The following PPP2R2B variants were observed in gnomAD, a reference collection of about 807,000 sequenced individuals.
PPP2R2B encodes serine/threonine-protein phosphatase 2A 55 kDa regulatory subunit B beta isoform.
PPP2R2B carries 5 observed loss-of-function variants against 46.0 expected under a neutral mutation model. The observed-to-expected ratio is 0.11, with a 90% CI of 0.06 to 0.23. The LOEUF is 0.23. Ranked by LOEUF, PPP2R2B falls within the 10% of genes least tolerant of loss-of-function variation. PPP2R2B has a pLI of 1.00. For synonymous variants in PPP2R2B, 215 were observed against 206.7 expected (o/e 1.04, Z -0.34); for missense variants, 367 against 575.0 (o/e 0.64, Z 3.70).
At chr5:146,862,763 AT>A (rs3062348) in intron 2 of PPP2R2B, among the ~76,000 whole-genome samples, 3,065 of 142,572 alleles carry the variant, frequency 0.021, 104 homozygotes, top group African/African-American at 0.069. Context: ...AGAAAAGTAA[AT>A]TTTTTTTTTT....
intron 1 of PPP2R2B, among the ~76,000 whole-genome samples, chr5:146,965,615 T>C (rs1379706049): frequency 6.6e-6 from 1 of 152,218 alleles, no homozygotes; most frequent in Non-Finnish European, 1.5e-5. Context: ...TCAGCAGAAG[T>C]GTCGCTGGCC....
chr5:146,820,379 A>G (rs780782242), intron 2 of PPP2R2B, among the ~76,000 whole-genome samples: 2 of 152,198 alleles, frequency 1.3e-5, no homozygotes, highest in African/African-American at 4.8e-5. Context: ...AACAAAAACC[A>G]TGCTAGGTAA....
chr5:146,704,756 A>G (rs772554187), intron 2 of PPP2R2B, among the ~76,000 whole-genome samples: 1 of 152,176 alleles, frequency 6.6e-6, no homozygotes, highest in Non-Finnish European at 1.5e-5. Flanking sequence ...CAATCTCAGC[A>G]TCCTACAAAA....
intron 1 of PPP2R2B, among the ~76,000 whole-genome samples, chr5:147,029,952 C>T (rs1184164994): frequency 6.6e-6 from 1 of 152,202 alleles, no homozygotes; most frequent in Non-Finnish European, 1.5e-5. Context: ...AATTCCTCTA[C>T]TATTCTTCCA....
chr5:146,654,304 A>G (rs1367027844), intron 5 of PPP2R2B, among the ~76,000 whole-genome samples: 1 of 152,206 alleles, frequency 6.6e-6, no homozygotes, highest in Non-Finnish European at 1.5e-5. Context: ...CCAATGTCAC[A>G]CAAAGAATAA....
chr5:146,712,369 G>A (rs1780260121), intron 2 of PPP2R2B, among the ~76,000 whole-genome samples: 1 of 152,180 alleles, frequency 6.6e-6, no homozygotes, highest in Admixed American at 6.5e-5. Flanking sequence ...TGTACACACA[G>A]TAGGTAAGAG....
intron 1 of PPP2R2B, among the ~76,000 whole-genome samples, chr5:146,891,224 T>C (rs1198421936): frequency 6.6e-6 from 1 of 152,250 alleles, no homozygotes; most frequent in East Asian, 1.9e-4. Flanking sequence ...AAATCTTTAC[T>C]GTGGGCAAGT....
At chr5:147,038,245 AC>A (rs1756132368) in intron 1 of PPP2R2B, among the ~76,000 whole-genome samples, 1 of 152,162 alleles carries the variant, frequency 6.6e-6, no homozygotes, top group South Asian at 2.1e-4. Flanking sequence ...CATAGAGCTT[AC>A]ATTCTTATAA....
chr5:146,683,677 C>G (rs989305179), intron 5 of PPP2R2B, among the ~76,000 whole-genome samples: 1 of 152,088 alleles, frequency 6.6e-6, no homozygotes, highest in Admixed American at 6.5e-5. Flanking sequence ...ATGAGCAGAA[C>G]AGAAACATCC....
At chr5:146,852,924 G>A (rs1369946091) in intron 2 of PPP2R2B, among the ~76,000 whole-genome samples, 1 of 152,100 alleles carries the variant, frequency 6.6e-6, no homozygotes, top group East Asian at 1.9e-4. Flanking sequence ...AGTGCAATTA[G>A]AGCTTTGGAT....
chr5:146,824,606 A>C (rs894185804), intron 2 of PPP2R2B, among the ~76,000 whole-genome samples: 4 of 152,178 alleles, frequency 2.6e-5, no homozygotes, highest in African/African-American at 7.2e-5. Context: ...GACTCATGAC[A>C]CACACTGTGG....
rs754811556 is a variant in PPP2R2B, at chr5:146,646,853, ATGTG to A, written c.625+3690_625+3693del. Among the ~76,000 whole-genome samples, 15 of 151,478 alleles carry A rather than the reference ATGTG, an allele frequency of 9.9e-5. No homozygotes were observed. The South Asian group carries it at 2.7e-3, about 27-fold the overall frequency. On this transcript the variant is annotated intron_variant, in intron 6 of 9. Coordinates refer to ENST00000394411, the MANE Select transcript of PPP2R2B (RefSeq NM_181675.4). Reference sequence around the variant, plus strand: ...CACTACCCTAAATGTGTGCGTGCGTATGTGTGTGTGTGTGTGTTTAATTTTCATA... The same window carrying A: ...CACTACCCTAAATGTGTGCGTGCGTATGTGTGTGTGTGTTTAATTTTCATA...
intron 2 of PPP2R2B, among the ~76,000 whole-genome samples, chr5:146,773,782 G>A (rs1755011705): frequency 6.6e-6 from 1 of 152,050 alleles, no homozygotes; most frequent in Non-Finnish European, 1.5e-5. Flanking sequence ...ATCTTTTCCT[G>A]AAATATTTTT....
chr5:146,764,555 T>C (rs999681483), intron 2 of PPP2R2B, among the ~76,000 whole-genome samples: 2 of 152,152 alleles, frequency 1.3e-5, no homozygotes, highest in African/African-American at 4.8e-5. Flanking sequence ...CTCTCAGCTC[T>C]CATGCTCCAT....
At chr5:146,650,844 G>A (rs1371866564) in intron 5 of PPP2R2B, 120 bp from the exon 6 acceptor site, 1 of 911,330 alleles carries the variant, frequency 1.1e-6, no homozygotes, top group Non-Finnish European at 1.6e-6. Flanking sequence ...GAAACTCCAA[G>A]TTAGAGAAAG....
intron 1 of PPP2R2B, among the ~76,000 whole-genome samples, chr5:147,039,901 C>T (rs1385849331): frequency 6.6e-6 from 1 of 152,074 alleles, no homozygotes; most frequent in Non-Finnish European, 1.5e-5. Context: ...AAGGGACCAA[C>T]AAATGGCCCA....
chr5:146,814,432 A>G (rs558449113), intron 2 of PPP2R2B, among the ~76,000 whole-genome samples: 1 of 152,282 alleles, frequency 6.6e-6, no homozygotes, highest in Non-Finnish European at 1.5e-5. Flanking sequence ...CCATCAGGTG[A>G]TGGTCAGGCA....
chr5:146,672,241 G>A (rs1777418940), intron 5 of PPP2R2B, among the ~76,000 whole-genome samples: 2 of 152,138 alleles, frequency 1.3e-5, no homozygotes, highest in Admixed American at 6.6e-5. Flanking sequence ...TCTTGTTTTC[G>A]AGTCCTCAAA....
At chr5:146,873,715 G>A (rs969752094) in intron 2 of PPP2R2B, among the ~76,000 whole-genome samples, 5 of 152,060 alleles carry the variant, frequency 3.3e-5, no homozygotes, top group South Asian at 2.1e-4. Flanking sequence ...GGGTTCATGC[G>A]ATTTCCTGCC....
Sources: gnomAD v4.1 joint callset for allele counts (sites outside exome capture counted in the v4.1 genomes callset) on GRCh38, gnomAD v4.1.1 for gene constraint, MANE v1.5 for transcripts, NCBI Gene and HGNC (gene_info 2026-07-23, HGNC 2026-07-21) for gene names.